MYBBP1A: variants seen among roughly 807,000 people sequenced by gnomAD.
The protein encoded by MYBBP1A is MYB binding protein 1a.
Under a neutral mutation model 136.3 loss-of-function variants are expected in MYBBP1A, and 147 were observed. The observed-to-expected ratio is 1.08, with a 90% CI of 0.94 to 1.24. The LOEUF (loss-of-function observed/expected upper bound fraction) is 1.24. Ranked by LOEUF, MYBBP1A falls within the 50% of genes most tolerant of loss-of-function variation. The probability of loss-of-function intolerance (pLI) is 0.00; values close to 1 mark genes in which losing one functional copy is unlikely to be tolerated. For synonymous variants in MYBBP1A, 947 were observed against 735.8 expected (o/e 1.29, Z -4.65); for missense variants, 2,060 against 1,727.4 (o/e 1.19, Z -3.41).
In MYBBP1A at chr17:4,554,253, G is replaced by A. The variant is rs547517145; in HGVS notation, c.320C>T (p.Pro107Leu). The A allele has an allele frequency of 6.2e-7, 1 of 1,614,024 alleles. No homozygotes were observed. The highest frequency in any genetic ancestry group is 2.2e-5 in the East Asian group (1 of 44,884). ...AQLLQSFEDL[P>L]LCSILQQIQE... Reference sequence around the variant, plus strand: ...TATCTGCTGCAGGATGCTGCACAAGGGGAGGTCTTCAAAAGACTGTAACAG... The same window carrying A: ...TATCTGCTGCAGGATGCTGCACAAGAGGAGGTCTTCAAAAGACTGTAACAG... The change falls in exon 3 of 26, where the codon CCC becomes CTC. Residue 107 changes from proline to leucine, a missense_variant. By Grantham distance (98) the Pro-to-Leu change is moderately conservative. Coordinates refer to ENST00000254718, the MANE Select transcript of MYBBP1A (RefSeq NM_014520.4).
rs753274271 is a variant in MYBBP1A at position 4,543,164 on chromosome 17, G to A, written c.2641C>T (p.His881Tyr). ...TAGCGCCGGGCACGGCACAGGTGGT[G>A]CCTGTGGGTGGTGAGGACGAGAGCT... ...LLHKTARIFT[H>Y]HLCRARRYCH... Residue 881 changes from histidine (H) to tyrosine (Y), a missense_variant and splice_region_variant, in exon 20 of 26, where the codon CAC (histidine) becomes TAC (tyrosine). Transcript: ENST00000254718. The A allele has an allele frequency of 1.2e-6, 2 of 1,602,082 alleles. No individual in the cohort carries two copies. The highest frequency in any genetic ancestry group is 2.2e-5 in the East Asian group (1 of 44,666).
Position 4,550,450 on chromosome 17 carries a change from GC to G in MYBBP1A, c.1024-98del. ...GGGGCAGGCGGGCAACAGCCCAACA[GC>G]CCAACAGCCCGGGGGCAGGCGGGCA... On this transcript the variant is annotated intron_variant, in intron 8 of 25. Coordinates refer to ENST00000254718, the MANE Select transcript of MYBBP1A (RefSeq NM_014520.4). The G allele has an allele frequency of 2.1e-6, 3 of 1,400,696 alleles. No individual in the cohort carries two copies. In the African/African-American group the frequency reaches 4.3e-5, roughly 20 times the overall value. The allele number at this position is 1,400,696 out of a possible 1,614,324, so 86.8% of individuals were successfully genotyped here. A position where few individuals can be genotyped will look rare whatever the true frequency, so the allele number is the denominator to read the frequency against.
rs1907249586 is a variant in MYBBP1A, at chr17:4,548,886, T to C, written c.1431-237A>G. On this transcript the variant is annotated intron_variant, in intron 10 of 25. Coordinates refer to ENST00000254718, the MANE Select transcript of MYBBP1A (RefSeq NM_014520.4). This position sits in a 1 kb window ranked among gnomAD's most constrained non-coding sequence, Gnocchi z 4.2. ...CAGCTGAACGCGGGTTAACCCGAGC[T>C]AGAGAGAGTCAGTGCCCCTCTCAAG... is the stretch of plus-strand genomic sequence containing the variant. 1.3e-5 allele frequency among the ~76,000 whole-genome samples: 2 copies of C among 152,216 alleles called. No individual in the cohort carries two copies. Among genetic ancestry groups the C allele is most frequent in the Admixed American group, 6.5e-5 (1 of 15,286 alleles).
intron 24 of MYBBP1A, 45 bp downstream of exon 24, chr17:4,541,418 C>G (rs1356354040): frequency 1.9e-6 from 3 of 1,567,428 alleles, no homozygotes; most frequent in Non-Finnish European, 2.6e-6. Context: ...CCCAAGGCCC[C>G]CAAGAGGAAC....
In MYBBP1A at chr17:4,552,726, C is replaced by CAA. The variant is rs960209077; in HGVS notation, c.562-101_562-100insTT. ...GACACGGGGCCACCTGGTGAGGTAT[C>CAA]AGAGTCATCAGAGGCCAGTTGCTAA... is the stretch of plus-strand genomic sequence containing the variant. On this transcript the variant is annotated intron_variant, in intron 5 of 25. Coordinates refer to ENST00000254718, the MANE Select transcript of MYBBP1A (RefSeq NM_014520.4). This position sits in a 1 kb window ranked among gnomAD's most constrained non-coding sequence, Gnocchi z 4.7. 1.1e-5 allele frequency: 12 copies of CAA among 1,067,418 alleles called. No individual in the cohort carries two copies. Among genetic ancestry groups the CAA allele is most frequent in the Non-Finnish European group, 1.5e-5 (11 of 750,448 alleles). The allele number at this position is 1,067,418 out of a possible 1,614,324, so 66.1% of individuals were successfully genotyped here.
Position 4,545,691 on chromosome 17 carries a change from G to A in MYBBP1A, c.1992C>T (p.His664=), listed in dbSNP as rs1181968859. 2.5e-6 allele frequency: 4 copies of A among 1,611,428 alleles called. No homozygotes were observed. Among genetic ancestry groups the A allele is most frequent in the Non-Finnish European group, 2.5e-6 (3 of 1,178,388 alleles). ...ILLALLAQPS[H]LMRQVARSVF... ...CGCTCCGGGCCACCTGGCGCATGAG[G>A]TGGCTGGGCTGGGCCAACAGGGCCA... is the stretch of plus-strand genomic sequence containing the variant. The change falls in exon 15 of 26, where the codon CAC becomes CAT. Residue 664 remains histidine, a synonymous_variant. Coordinates refer to ENST00000254718, the MANE Select transcript of MYBBP1A (RefSeq NM_014520.4).
At chr17:4,540,297 A>T (rs1380126475) in intron 25 of MYBBP1A, 51 bp downstream of exon 25, 1 of 1,553,390 alleles carries the variant, frequency 6.4e-7, no homozygotes. Flanking sequence ...CAGCAGCGTG[A>T]GGGTGTTCCC....
chr17:4,539,232 G>T lies in MYBBP1A; in HGVS notation c.*183C>A. 6.8e-7 allele frequency: 1 copy of T among 1,469,790 alleles called. No individual in the cohort carries two copies. The highest frequency in any genetic ancestry group is 1.4e-5 in the South Asian group (1 of 69,752). The allele number at this position is 1,469,790 out of a possible 1,614,324, so 91.0% of individuals were successfully genotyped here. ...GAGGTCTCTGCACCCTGGGACCCCT[G>T]CAGGAATGGCTCAGGCTGTGCTTGC... On this transcript the variant is annotated 3_prime_UTR_variant, in exon 26 of 26. Transcript: ENST00000254718.
chr17:4,552,331 AGGCAAG>A lies in MYBBP1A; in HGVS notation c.738-45_738-40del, dbSNP rs1170426463. 6.2e-7 allele frequency: 1 copy of A among 1,612,062 alleles called. No individual in the cohort carries two copies. The highest frequency in any genetic ancestry group is 8.5e-7 in the Non-Finnish European group (1 of 1,179,396). On this transcript the variant is annotated intron_variant, in intron 6 of 25. Transcript: ENST00000254718. This position sits in a 1 kb window ranked among gnomAD's most constrained non-coding sequence, Gnocchi z 4.7. ...GGGACTCAGGGAACACTTGCCTCACAGGCAAGGGCCAGGGTGACAAGAGCAGCCGGG... is the reference window on the plus strand; with the variant it reads ...GGGACTCAGGGAACACTTGCCTCACAGGCCAGGGTGACAAGAGCAGCCGGG...
rs139971606 is a variant in MYBBP1A at position 4,539,421 on chromosome 17, C to T, written c.3981G>A (p.Lys1327=). 9.3e-6 allele frequency: 15 copies of T among 1,609,220 alleles called. No homozygotes were observed. In the African/African-American group the frequency reaches 1.9e-4, roughly 20 times the overall value. The stretch of plus-strand genomic sequence containing the variant: ...GGGGGGCCCGTACCTGTGCTCAGGG[C>T]TTCCCTGCCTTCCTCACCTGTGCTT... ...KKKAQVRKAG[K]P is the part of the protein sequence containing the mutation. Residue 1327 remains lysine, a synonymous_variant, in exon 26 of 26, where the codon AAG becomes AAA. Coordinates refer to ENST00000254718, the MANE Select transcript of MYBBP1A (RefSeq NM_014520.4).
intron 22 of MYBBP1A, 92 bp downstream of exon 22, chr17:4,542,372 C>G (rs1906517129): frequency 7.1e-6 from 10 of 1,410,844 alleles, no homozygotes; most frequent in Non-Finnish European, 9.7e-6. Context: ...CTCACCAGGA[C>G]AGCGCTCTGG....
Position 4,552,507 on chromosome 17 carries a change from G to A in MYBBP1A, c.681C>T (p.Ser227=), listed in dbSNP as rs770529030. 1.2e-6 allele frequency: 2 copies of A among 1,613,956 alleles called. No individual in the cohort carries two copies. The highest frequency in any genetic ancestry group is 1.7e-6 in the Non-Finnish European group (2 of 1,180,034). ...CGGATCCCACCAGCTTCTTGAGCTT[G>A]GAGGGCACCTTCTGCTGGGCCAGGA... ...LFLLAQQKVP[S]KLKKLVGSVN... The change falls in exon 6 of 26, where the codon TCC becomes TCT. Residue 227 remains serine (S), a synonymous_variant. Transcript: ENST00000254718. This position sits in a 1 kb window ranked among gnomAD's most constrained non-coding sequence, Gnocchi z 4.7.
At chr17:4,553,777 T>G (rs1213185103) in intron 5 of MYBBP1A, 33 bp downstream of exon 5, 1 of 1,566,780 alleles carries the variant, frequency 6.4e-7, no homozygotes, top group South Asian at 1.1e-5. Context: ...TAACAAAGTG[T>G]TGCCTGGGCC....
intron 24 of MYBBP1A, among the ~76,000 whole-genome samples, chr17:4,541,122 C>T (rs147732344): frequency 6.6e-6 from 1 of 152,284 alleles, no homozygotes; most frequent in East Asian, 1.9e-4. Context: ...GGCCTGGAAA[C>T]CTGGCTGCTC....
intron 2 of MYBBP1A, among the ~76,000 whole-genome samples, chr17:4,554,534 T>C (rs1177370562): frequency 6.6e-6 from 1 of 152,192 alleles, no homozygotes; most frequent in Non-Finnish European, 1.5e-5. Context: ...CTGCCCCTTG[T>C]CAAGGCGCCT....
rs1302036016 is a variant in MYBBP1A at position 4,539,922 on chromosome 17, G to A, written c.3480C>T (p.Ala1160=). The A allele has an allele frequency of 1.3e-6, 2 of 1,599,912 alleles. No individual in the cohort carries two copies. The highest frequency in any genetic ancestry group is 1.1e-5 in the South Asian group (1 of 91,078). The change falls in exon 26 of 26, where the codon GCC becomes GCT. Residue 1160 remains alanine (A), a synonymous_variant. Coordinates refer to ENST00000254718, the MANE Select transcript of MYBBP1A (RefSeq NM_014520.4). ...EKKDAKEIPS[A]TQSPISKKRK... ...GCTTCTTACTGATGGGGCTCTGGGT[G>A]GCACTGGGGATCTCCTTGGCATCCT...
chr17:4,549,926 TA>T, intron 9 of MYBBP1A, 131 bp downstream of exon 9: 1 of 977,444 alleles, frequency 1.0e-6, no homozygotes, highest in Non-Finnish European at 1.5e-6. Context: ...ATATGAGAGC[TA>T]AGGCTCTTCC....
intron 2 of MYBBP1A, 69 bp downstream of exon 2, chr17:4,554,792 C>G: frequency 6.8e-7 from 1 of 1,477,126 alleles, no homozygotes; most frequent in Non-Finnish European, 9.3e-7. Flanking sequence ...TGAGACACCA[C>G]ACCCGCCCTC....
At chr17:4,544,720 G>C (rs375660173) in intron 18 of MYBBP1A, 31 bp downstream of exon 18, 1 of 1,506,186 alleles carries the variant, frequency 6.6e-7, no homozygotes, top group Non-Finnish European at 8.9e-7. Context: ...ACAGGGAGGC[G>C]GGGGTGGGTG....
Sources: gnomAD v4.1 joint callset for allele counts (sites outside exome capture counted in the v4.1 genomes callset) on GRCh38, gnomAD v4.1.1 for gene constraint, Gnocchi (gnomAD v3.1) non-coding constraint, MANE v1.5 for transcripts, NCBI Gene and HGNC (gene_info 2026-07-23, HGNC 2026-07-21) for gene names.